ZFHX3: variants seen among roughly 807,000 people sequenced by gnomAD.
The protein encoded by ZFHX3 is zinc finger homeobox protein 3.
ZFHX3 carries 42 observed loss-of-function variants against 279.1 expected under a neutral mutation model. That is an observed-to-expected ratio of 0.15 (90% CI 0.12 to 0.19). The LOEUF is 0.19. Among genes scored for constraint, ZFHX3 ranks in the 10% least tolerant of loss-of-function variants. The pLI, the probability that ZFHX3 is intolerant of heterozygous loss-of-function variation, is 1.00. For synonymous variants in ZFHX3, 2,293 were observed against 1,957.8 expected, an observed-to-expected ratio of 1.17 and a Z score of -4.52; for missense variants, 4,981 against 4,754.0, an observed-to-expected ratio of 1.05 and a Z score of -1.40.
intron 7 of ZFHX3, among the ~76,000 whole-genome samples, chr16:73,105,929 A>ACCCCTCCCCC (rs1966298278): frequency 1.8e-5 from 2 of 110,846 alleles, no homozygotes; most frequent in African/African-American, 3.5e-5. Flanking sequence ...ATGTACACGG[A>ACCCCTCCCCC]CCCCCTCCCC....
intron 3 of ZFHX3, among the ~76,000 whole-genome samples, chr16:72,918,563 G>A (rs1318479641): frequency 6.6e-6 from 1 of 152,074 alleles, no homozygotes; most frequent in Non-Finnish European, 1.5e-5. Flanking sequence ...CTCTACCCCT[G>A]CAGGTAACTA....
intron 1 of ZFHX3, among the ~76,000 whole-genome samples, chr16:73,007,163 G>C (rs148417998): frequency 1.8e-3 from 271 of 152,254 alleles, no homozygotes; most frequent in African/African-American, 6.2e-3. Context: ...ATCCTATGTG[G>C]TTATGATTCT....
At chr16:72,835,678 G>A (rs1375858003) in intron 4 of ZFHX3, among the ~76,000 whole-genome samples, 1 of 152,050 alleles carries the variant, frequency 6.6e-6, no homozygotes, top group East Asian at 1.9e-4. Context: ...TACAAGTGGC[G>A]TTTGCTGGTG....
chr16:73,060,996 T>G (rs1965676088), upstream of ZFHX3: 1 of 151,986 alleles, frequency 6.6e-6, no homozygotes, highest in Non-Finnish European at 1.5e-5. Flanking sequence ...CTGAATTCAC[T>G]CTGGGAATAA....
chr16:73,791,517 C>T (rs1959824573), intron 1 of ZFHX3, among the ~76,000 whole-genome samples: 1 of 152,120 alleles, frequency 6.6e-6, no homozygotes, highest in African/African-American at 2.4e-5. Context: ...CTCCGTCTCC[C>T]AGGTTCAAGT....
chr16:73,231,801 C>A (rs2012782525), intron 5 of ZFHX3, among the ~76,000 whole-genome samples: 1 of 152,168 alleles, frequency 6.6e-6, no homozygotes, highest in Non-Finnish European at 1.5e-5. Context: ...ATTACCACTT[C>A]TTTGCATATT....
intron 4 of ZFHX3, among the ~76,000 whole-genome samples, chr16:73,269,424 T>C (rs1009876489): frequency 6.6e-6 from 1 of 152,252 alleles, no homozygotes; most frequent in African/African-American, 2.4e-5. Context: ...AATAATTCAG[T>C]ATTTTTTGTT....
At chr16:73,260,812 G>A (rs1597249394) in intron 4 of ZFHX3, among the ~76,000 whole-genome samples, 1 of 150,412 alleles carries the variant, frequency 6.6e-6, no homozygotes, top group African/African-American at 2.4e-5. Context: ...CCTCCCGAGT[G>A]GCTGGGATTA....
chr16:73,233,305 T>C (rs1160260343), intron 5 of ZFHX3, among the ~76,000 whole-genome samples: 2 of 151,888 alleles, frequency 1.3e-5, no homozygotes, highest in African/African-American at 4.8e-5. Flanking sequence ...GGGTATACAG[T>C]GATGTCATAC....
chr16:73,137,167 G>T (rs944334692), intron 6 of ZFHX3: 1 of 152,126 alleles, frequency 6.6e-6, no homozygotes, highest in African/African-American at 2.4e-5. Flanking sequence ...CTGCTTTGTA[G>T]ATACCTACAC....
At chr16:73,831,492 AC>A (rs1306880850) in intron 1 of ZFHX3, among the ~76,000 whole-genome samples, 1 of 151,970 alleles carries the variant, frequency 6.6e-6, no homozygotes, top group Admixed American at 6.5e-5. Context: ...ATGAGTATCT[AC>A]AGCACTCAGA....
chr16:73,033,131 C>T (rs1009470064), intron 1 of ZFHX3, among the ~76,000 whole-genome samples: 1 of 152,178 alleles, frequency 6.6e-6, no homozygotes, highest in African/African-American at 2.4e-5. Flanking sequence ...AGCTCCACCA[C>T]CCTCCATGGA....
chr16:73,482,293 A>T (rs974903677), intron 2 of ZFHX3, among the ~76,000 whole-genome samples: 2 of 152,158 alleles, frequency 1.3e-5, no homozygotes, highest in Admixed American at 1.3e-4. Flanking sequence ...GCAAGCCAAC[A>T]TCTACCTTGC....
At chr16:73,707,240 G>T (rs1287856651) in intron 1 of ZFHX3, among the ~76,000 whole-genome samples, 1 of 152,068 alleles carries the variant, frequency 6.6e-6, no homozygotes, top group East Asian at 1.9e-4. Flanking sequence ...CCCTTTACTT[G>T]GAGCCAAGCA....
At chr16:72,953,878 C>G (rs1442439116) in intron 2 of ZFHX3, among the ~76,000 whole-genome samples, 2 of 152,116 alleles carry the variant, frequency 1.3e-5, no homozygotes, top group Admixed American at 1.3e-4. Context: ...GCATTCTAGG[C>G]TGTTAAAATG....
chr16:73,571,164 C>A (rs566112529), intron 2 of ZFHX3, among the ~76,000 whole-genome samples: 16 of 152,040 alleles, frequency 1.1e-4, no homozygotes, highest in Non-Finnish European at 2.1e-4. Flanking sequence ...CACATTAAAG[C>A]TTTGCTTTTC....
chr16:73,018,621 C>A (rs1964188919), intron 1 of ZFHX3, among the ~76,000 whole-genome samples: 1 of 152,012 alleles, frequency 6.6e-6, no homozygotes, highest in South Asian at 2.1e-4. Flanking sequence ...AATAAAATAA[C>A]TCTAAATAAT....
intron 7 of ZFHX3, chr16:73,127,697 C>A: frequency 1.8e-6 from 2 of 1,102,012 alleles, no homozygotes; most frequent in East Asian, 6.0e-5. Context: ...TTTTCCTGAA[C>A]CTCACTCAGT....
intron 1 of ZFHX3, among the ~76,000 whole-genome samples, chr16:72,971,748 T>C (rs994488622): frequency 6.6e-6 from 1 of 152,102 alleles, no homozygotes; most frequent in African/African-American, 2.4e-5. Flanking sequence ...ATTTACTTTG[T>C]TATTTTTAAA....
Sources: gnomAD v4.1 joint callset for allele counts (sites outside exome capture counted in the v4.1 genomes callset) on GRCh38, gnomAD v4.1.1 for gene constraint, MANE v1.5 for transcripts, NCBI Gene and HGNC (gene_info 2026-07-23, HGNC 2026-07-21) for gene names.